The following PCDH7 variants were observed in gnomAD, a reference collection of about 807,000 sequenced individuals.
The protein encoded by PCDH7 is protocadherin 7, also known as protocadherin-7.
PCDH7 carries 17 observed loss-of-function variants against 58.9 expected under a neutral mutation model. The ratio of observed to expected loss-of-function variants is 0.29; its 90% CI spans 0.20 to 0.43. The LOEUF (loss-of-function observed/expected upper bound fraction) is 0.43, where lower values mean the gene tolerates loss of function less well. Ranked by LOEUF, PCDH7 falls within the 20% of genes least tolerant of loss-of-function variation. The probability of loss-of-function intolerance (pLI) is 1.00; values close to 1 mark genes in which losing one functional copy is unlikely to be tolerated. For synonymous variants in PCDH7, 664 were observed against 616.4 expected, an observed-to-expected ratio of 1.08 and a Z score of -1.14; for missense variants, 1,274 against 1,441.0, an observed-to-expected ratio of 0.88 and a Z score of 1.88.
At chr4:30,779,911 G>A (rs960048072) in intron 1 of PCDH7, among the ~76,000 whole-genome samples, 1 of 152,108 alleles carries the variant, frequency 6.6e-6, no homozygotes, top group Admixed American at 6.5e-5. Context: ...TTAGCATCTA[G>A]TCTCTGTTTC....
At chr4:30,784,173 A>G (rs938146176) in intron 1 of PCDH7, among the ~76,000 whole-genome samples, 2 of 152,198 alleles carry the variant, frequency 1.3e-5, no homozygotes, top group Non-Finnish European at 2.9e-5. Context: ...CAAAACCAAC[A>G]CATTCTGGTA....
intron 2 of PCDH7, among the ~76,000 whole-genome samples, chr4:30,921,746 T>G (rs1357099125): frequency 6.6e-6 from 1 of 151,938 alleles, no homozygotes; most frequent in Non-Finnish European, 1.5e-5. Context: ...TTTTAGTAAT[T>G]TTTTTAATGG....
chr4:31,136,984 T>C (rs1481977467), intron 3 of PCDH7, among the ~76,000 whole-genome samples: 1 of 152,218 alleles, frequency 6.6e-6, no homozygotes, highest in African/African-American at 2.4e-5. Context: ...AATAAAGCAT[T>C]TATTTAATCA....
intron 3 of PCDH7, among the ~76,000 whole-genome samples, chr4:30,960,127 A>G (rs1205664867): frequency 1.3e-5 from 1 of 78,728 alleles, no homozygotes; most frequent in African/African-American, 7.6e-5. Context: ...GGAAGGAAGG[A>G]AGGAAGGAAG....
intron 1 of PCDH7, among the ~76,000 whole-genome samples, chr4:30,835,367 A>G (rs1247157717): frequency 6.6e-6 from 1 of 152,054 alleles, no homozygotes; most frequent in East Asian, 1.9e-4. Flanking sequence ...AGGAGTGTGA[A>G]ACCTATTGTG....
At chr4:30,758,391 C>T (rs958569264) in intron 1 of PCDH7, among the ~76,000 whole-genome samples, 1 of 152,112 alleles carries the variant, frequency 6.6e-6, no homozygotes, top group Non-Finnish European at 1.5e-5. Context: ...CCCTAAGTGT[C>T]ATGAGATGCC....
intron 3 of PCDH7, among the ~76,000 whole-genome samples, chr4:31,100,069 G>A (rs1714700758): frequency 6.6e-6 from 1 of 152,106 alleles, no homozygotes; most frequent in Non-Finnish European, 1.5e-5. Context: ...CTTTGCCATG[G>A]ATGTGTTACA....
chr4:30,753,529 T>C (rs571162123), intron 1 of PCDH7, among the ~76,000 whole-genome samples: 1 of 152,342 alleles, frequency 6.6e-6, no homozygotes, highest in East Asian at 1.9e-4. Flanking sequence ...AGGCTAGCAG[T>C]AGCACGCCAT....
intron 1 of PCDH7, among the ~76,000 whole-genome samples, chr4:30,777,783 A>G (rs1320530852): frequency 3.3e-5 from 5 of 152,134 alleles, no homozygotes; most frequent in African/African-American, 9.6e-5. Context: ...ATATTTGCCT[A>G]TTATTAAAGA....
chr4:30,748,062 T>C lies in PCDH7; in HGVS notation c.70+23466T>C, dbSNP rs146980061. ...GTTATTTTTCTGTAAAATGAAAGGT[T>C]TATTCTCATATACAAGGCTGTCAAA... is the stretch of plus-strand genomic sequence containing the variant. On this transcript the variant is annotated intron_variant, in intron 1 of 3. Transcript: ENST00000509759. 2.0e-5 allele frequency among the ~76,000 whole-genome samples: 3 copies of C among 152,348 alleles called. No individual in the cohort carries two copies. In the East Asian group the frequency reaches 5.8e-4, roughly 29 times the overall value.
chr4:30,752,783 C>CAAAAAAAAAAAAAAAAAAAAAAAAAAA (rs35860745), intron 1 of PCDH7, among the ~76,000 whole-genome samples: 4 of 99,538 alleles, frequency 4.0e-5, no homozygotes, highest in Admixed American at 1.1e-4. Context: ...CCTGTAGGGG[C>CAAAAAAAAAAAAAAAAAAAAAAAAAAA]AAAAAAAAAA....
chr4:30,964,492 C>T (rs1262640052), intron 3 of PCDH7, among the ~76,000 whole-genome samples: 1 of 152,058 alleles, frequency 6.6e-6, no homozygotes, highest in Non-Finnish European at 1.5e-5. Flanking sequence ...CCGCCTGCCT[C>T]GGCCTCCCAA....
intron 1 of PCDH7, among the ~76,000 whole-genome samples, chr4:30,885,754 G>A (rs912702445): frequency 6.6e-6 from 1 of 151,964 alleles, no homozygotes; most frequent in Admixed American, 6.6e-5. Context: ...AAACAGCATG[G>A]TACTGGTACC....
intron 1 of PCDH7, among the ~76,000 whole-genome samples, chr4:30,806,917 A>G (rs920698913): frequency 5.3e-5 from 8 of 152,192 alleles, no homozygotes; most frequent in African/African-American, 1.7e-4. Flanking sequence ...CTACATTTTC[A>G]TCATCCAATT....
At chr4:30,838,492 A>G (rs1441762373) in intron 1 of PCDH7, among the ~76,000 whole-genome samples, 2 of 152,070 alleles carry the variant, frequency 1.3e-5, no homozygotes, top group East Asian at 3.9e-4. Flanking sequence ...CACATTTTAA[A>G]GGGTTTTTTT....
chr4:30,730,637 A>T, intron 1 of PCDH7: 1 of 695,024 alleles, frequency 1.4e-6, no homozygotes, highest in Non-Finnish European at 2.4e-6. Context: ...TGGCATTAAA[A>T]TTTTTCTTAG....
At chr4:31,011,895 T>C (rs1157776874) in intron 3 of PCDH7, among the ~76,000 whole-genome samples, 3 of 152,094 alleles carry the variant, frequency 2.0e-5, no homozygotes, top group Non-Finnish European at 4.4e-5. Flanking sequence ...CTAATAATAC[T>C]GTCACTTAAA....
At chr4:31,075,280 A>T (rs1373206381) in intron 3 of PCDH7, among the ~76,000 whole-genome samples, 2 of 152,158 alleles carry the variant, frequency 1.3e-5, no homozygotes, top group Non-Finnish European at 2.9e-5. Context: ...TTTGGGGATG[A>T]CATAGTGCTG....
intron 1 of PCDH7, among the ~76,000 whole-genome samples, chr4:30,829,551 T>C (rs182896478): frequency 1.3e-5 from 2 of 152,158 alleles, no homozygotes; most frequent in African/African-American, 2.4e-5. Flanking sequence ...TATATCAGTA[T>C]TTAGAAGCAA....
Sources: gnomAD v4.1 joint callset for allele counts (sites outside exome capture counted in the v4.1 genomes callset) on GRCh38, gnomAD v4.1.1 for gene constraint, MANE v1.5 for transcripts, NCBI Gene and HGNC (gene_info 2026-07-23, HGNC 2026-07-21) for gene names.